SLIT2: variants seen among roughly 807,000 people sequenced by gnomAD.
The protein encoded by SLIT2 is slit guidance ligand 2.
A neutral mutation model predicts 185.7 loss-of-function variants in SLIT2; 41 were observed. The observed-to-expected ratio is 0.22, with a 90% CI of 0.17 to 0.29. The LOEUF (loss-of-function observed/expected upper bound fraction) is 0.29. SLIT2 is among the 10% of genes least tolerant of loss of function. The pLI, the probability that SLIT2 is intolerant of heterozygous loss-of-function variation, is 1.00. For synonymous variants in SLIT2, 693 were observed against 680.2 expected, an observed-to-expected ratio of 1.02 and a Z score of -0.29; for missense variants, 1,571 against 1,909.0, an observed-to-expected ratio of 0.82 and a Z score of 3.30.
intron 4 of SLIT2, among the ~76,000 whole-genome samples, chr4:20,391,637 A>AACCATACAATACTGGCTTCTCC (rs2109368102): frequency 6.6e-6 from 1 of 152,264 alleles, no homozygotes; most frequent in Non-Finnish European, 1.5e-5. Flanking sequence ...TTTCTGATTC[A>AACCATACAATACTGGCTTCTCC]ACCATACAAT....
At chr4:20,589,376 C>T (rs917835326) in intron 29 of SLIT2, among the ~76,000 whole-genome samples, 1 of 152,100 alleles carries the variant, frequency 6.6e-6, no homozygotes, top group Non-Finnish European at 1.5e-5. Context: ...TTCCTAATTC[C>T]CATAGTATAT....
chr4:20,349,637 A>G (rs1721707126), intron 4 of SLIT2, among the ~76,000 whole-genome samples: 1 of 152,230 alleles, frequency 6.6e-6, no homozygotes, highest in Admixed American at 6.5e-5. Context: ...TTAAAGTATC[A>G]CGAAAGCCCC....
At chr4:20,588,912 TTTAC>T (rs1229782630) in intron 29 of SLIT2, among the ~76,000 whole-genome samples, 3 of 152,180 alleles carry the variant, frequency 2.0e-5, no homozygotes, top group Non-Finnish European at 4.4e-5. Context: ...TGAGTCTCCT[TTTAC>T]TTTTTTCTTT....
chr4:20,620,420 G>A lies in SLIT2; in HGVS notation c.*1411G>A, dbSNP rs1308640054. On this transcript the variant is annotated 3_prime_UTR_variant, in exon 37 of 37. Coordinates refer to ENST00000504154, the MANE Select transcript of SLIT2 (RefSeq NM_004787.4). ...AAATCCCAGGGTGCCCTGTAAAGATGCAGATGTTTCTTCCTGAAAACTTCT... is the reference window on the plus strand; with the variant it reads ...AAATCCCAGGGTGCCCTGTAAAGATACAGATGTTTCTTCCTGAAAACTTCT... The A allele has an allele frequency of 2.2e-6, 1 of 455,500 alleles. No individual in the cohort carries two copies. Among genetic ancestry groups the A allele is most frequent in the Non-Finnish European group, 4.4e-6 (1 of 226,826 alleles). The allele number at this position is 455,500 out of a possible 1,614,324, so 28.2% of individuals were successfully genotyped here.
chr4:20,594,443 A>C (rs930738137), intron 30 of SLIT2, among the ~76,000 whole-genome samples: 1 of 151,840 alleles, frequency 6.6e-6, no homozygotes. Flanking sequence ...CTTAAACTCA[A>C]ATCAAAAACA....
chr4:20,341,167 T>C (rs1051985938), intron 4 of SLIT2, among the ~76,000 whole-genome samples: 1 of 152,140 alleles, frequency 6.6e-6, no homozygotes, highest in Non-Finnish European at 1.5e-5. Flanking sequence ...TGAAAGTATA[T>C]TGAAATAAAG....
At chr4:20,430,071 G>A (rs886152597) in intron 4 of SLIT2, among the ~76,000 whole-genome samples, 1 of 151,992 alleles carries the variant, frequency 6.6e-6, no homozygotes, top group African/African-American at 2.4e-5. Context: ...GATGTTGGCT[G>A]TATCATACTG....
At chr4:20,318,979 G>A (rs1028647350) in intron 4 of SLIT2, among the ~76,000 whole-genome samples, 6 of 152,152 alleles carry the variant, frequency 3.9e-5, no homozygotes, top group African/African-American at 1.4e-4. Flanking sequence ...ACCTAAAGTA[G>A]AGAGGACTTT....
At chr4:20,426,771 T>C (rs1318884621) in intron 4 of SLIT2, among the ~76,000 whole-genome samples, 1 of 152,118 alleles carries the variant, frequency 6.6e-6, no homozygotes, top group Non-Finnish European at 1.5e-5. Context: ...ATAATGATGA[T>C]AAAAAAATAC....
At chr4:20,550,998 A>G (rs1317432416) in intron 25 of SLIT2, 100 bp downstream of exon 25, 3 of 612,668 alleles carry the variant, frequency 4.9e-6, no homozygotes, top group African/African-American at 1.9e-5. Flanking sequence ...ACATCATAAG[A>G]TGTAATTGGT....
intron 33 of SLIT2, among the ~76,000 whole-genome samples, chr4:20,605,819 T>C (rs898945954): frequency 1.3e-5 from 2 of 151,870 alleles, no homozygotes; most frequent in Non-Finnish European, 2.9e-5. Context: ...CGGTCTCGGC[T>C]CACTGCAACC....
intron 35 of SLIT2, 93 bp downstream of exon 35, chr4:20,617,291 A>G: frequency 1.2e-6 from 1 of 859,864 alleles, no homozygotes. Flanking sequence ...AGGGGACGGG[A>G]AGGGAGGGGA....
chr4:20,477,183 C>T (rs903648061), intron 5 of SLIT2, among the ~76,000 whole-genome samples: 3 of 148,980 alleles, frequency 2.0e-5, no homozygotes, highest in Admixed American at 6.9e-5. Context: ...ATGTTAATAC[C>T]GAGAGATCAT....
chr4:20,427,067 A>G (rs1728616787), intron 4 of SLIT2, among the ~76,000 whole-genome samples: 1 of 152,198 alleles, frequency 6.6e-6, no homozygotes. Flanking sequence ...TGTTTATCTC[A>G]TTTGATCCTT....
At chr4:20,544,258 A>G (rs969397221) in intron 21 of SLIT2, among the ~76,000 whole-genome samples, 15 of 152,182 alleles carry the variant, frequency 9.9e-5, no homozygotes, top group African/African-American at 3.4e-4. Flanking sequence ...TTTTAGGAGT[A>G]CACCAATGAA....
intron 4 of SLIT2, among the ~76,000 whole-genome samples, chr4:20,410,243 CTTTTTTTTTTT>C (rs1160985126): frequency 1.4e-5 from 1 of 69,050 alleles, no homozygotes; most frequent in Non-Finnish European, 2.7e-5. Context: ...TCTTTCTTTT[CTTTTTTTTTTT>C]TTTTTTTTTT....
At position 20,519,605 on chromosome 4, in the gene SLIT2, C is replaced by T. The variant is rs182874455; in HGVS notation, c.1130+152C>T. The T allele has an allele frequency of 6.8e-4, 396 of 581,960 alleles. 1 individual carries two copies. The highest frequency in any genetic ancestry group is 2.4e-3 in the African/African-American group (125 of 53,180). 36.0% of individuals were successfully genotyped at this position (581,960 alleles called of 1,614,324 possible). On this transcript the variant is annotated intron_variant, in intron 12 of 36. Coordinates refer to ENST00000504154, the MANE Select transcript of SLIT2 (RefSeq NM_004787.4). ...AGAGTAGTCCAGTCAAGCTAGTATT[C>T]GTGATTATTTACTTGAAGACACAAC...
chr4:20,407,383 G>A (rs1726857587), intron 4 of SLIT2, among the ~76,000 whole-genome samples: 1 of 151,878 alleles, frequency 6.6e-6, no homozygotes, highest in African/African-American at 2.4e-5. Flanking sequence ...ATATAATCTG[G>A]GAAAAATAAT....
chr4:20,362,299 G>A (rs1722801218), intron 4 of SLIT2, among the ~76,000 whole-genome samples: 5 of 152,086 alleles, frequency 3.3e-5, no homozygotes, highest in African/African-American at 1.2e-4. Flanking sequence ...GTGGGTGAAG[G>A]CAGAGGAGAG....
Sources: gnomAD v4.1 joint callset for allele counts (sites outside exome capture counted in the v4.1 genomes callset) on GRCh38, gnomAD v4.1.1 for gene constraint, MANE v1.5 for transcripts, NCBI Gene and HGNC (gene_info 2026-07-23, HGNC 2026-07-21) for gene names.